Variants in MRPL35 observed in about 807,000 individuals in gnomAD.
The protein encoded by MRPL35 is large ribosomal subunit protein bL35m.
Under a neutral mutation model 21.6 loss-of-function variants are expected in MRPL35, and 18 were observed. That is an observed-to-expected ratio of 0.83 (90% CI 0.58 to 1.24). The LOEUF (loss-of-function observed/expected upper bound fraction) is 1.24, where lower values mean the gene tolerates loss of function less well. Ranked by LOEUF, MRPL35 falls within the 50% of genes most tolerant of loss-of-function variation. MRPL35 has a pLI of 0.00. For missense variants in MRPL35, 223 were observed against 223.2 expected, an observed-to-expected ratio of 1.00 and a Z score of 0.01; for synonymous variants, 87 against 86.9, an observed-to-expected ratio of 1.00 and a Z score of -0.01.
chr2:86,204,233 C>T (rs1357732567), intron 1 of MRPL35, among the ~76,000 whole-genome samples: 2 of 152,090 alleles, frequency 1.3e-5, no homozygotes. Flanking sequence ...ATCCGCCTGC[C>T]TCGGCCTCCC....
Position 86,199,545 on chromosome 2 carries a change from G to T in MRPL35, c.43+12G>T, listed in dbSNP as rs371474147. 11 of 1,613,982 alleles carry T rather than the reference G, an allele frequency of 6.8e-6. No homozygotes were observed. Among genetic ancestry groups the T allele is most frequent in the Non-Finnish European group, 9.3e-6 (11 of 1,180,026 alleles). ...GAGAGCAGCTTCAGGTCAGTGGAGAGCGACATACTCCATGCATGCCTTCAC... is the reference window on the plus strand; with the variant it reads ...GAGAGCAGCTTCAGGTCAGTGGAGATCGACATACTCCATGCATGCCTTCAC... On this transcript the variant is annotated intron_variant, in intron 1 of 3. Transcript: ENST00000337109.
intron 2 of MRPL35, 33 bp from the exon 3 acceptor site, chr2:86,207,149 AT>A: frequency 6.5e-7 from 1 of 1,543,194 alleles, no homozygotes; most frequent in Non-Finnish European, 8.7e-7. Flanking sequence ...AATCAGTCTG[AT>A]TACAAGCTAA....
At position 86,212,236 on chromosome 2, in the gene MRPL35, C is replaced by T. The variant is rs1443801269; in HGVS notation, c.*1568C>T. The T allele has an allele frequency of 9.6e-6, 13 of 1,357,240 alleles. No individual in the cohort carries two copies. Among genetic ancestry groups the T allele is most frequent in the South Asian group, 1.9e-5 (1 of 53,256 alleles). 84.1% of individuals were successfully genotyped at this position (1,357,240 alleles called of 1,614,324 possible). ...GGCCAGGATTATTAGGGAGATTCCT[C>T]GAAACTAGTGTGTGTTTATTAAAAG... is the stretch of plus-strand genomic sequence containing the variant. On this transcript the variant is annotated 3_prime_UTR_variant, in exon 4 of 4. Coordinates refer to ENST00000337109, the MANE Select transcript of MRPL35 (RefSeq NM_016622.4).
chr2:86,201,695 CTA>C (rs1194228238), intron 1 of MRPL35, among the ~76,000 whole-genome samples: 2 of 152,058 alleles, frequency 1.3e-5, no homozygotes, highest in Admixed American at 6.6e-5. Context: ...ACAATTTAAA[CTA>C]TTTGATATTT....
chr2:86,208,627 C>T (rs965187543), intron 3 of MRPL35, among the ~76,000 whole-genome samples: 5 of 152,068 alleles, frequency 3.3e-5, no homozygotes, highest in Non-Finnish European at 5.9e-5. Context: ...GTTTTTATAC[C>T]AGTTATTTCC....
chr2:86,210,889 A>T lies in MRPL35; in HGVS notation c.*221A>T, dbSNP rs1673891162. The T allele has an allele frequency of 8.2e-7, 1 of 1,224,966 alleles. No homozygotes were observed. The highest frequency in any genetic ancestry group is 3.0e-5 in the South Asian group (1 of 32,944). 75.9% of individuals were successfully genotyped at this position (1,224,966 alleles called of 1,614,324 possible). On this transcript the variant is annotated 3_prime_UTR_variant, in exon 4 of 4. Coordinates refer to ENST00000337109, the MANE Select transcript of MRPL35 (RefSeq NM_016622.4). ...TTAGAATGGTGCATTATTTTTAACA[A>T]ATGGTATTGGCTTAACTAGTTGTTT...
intron 1 of MRPL35, among the ~76,000 whole-genome samples, chr2:86,202,121 C>T (rs1455026577): frequency 6.6e-6 from 1 of 152,134 alleles, no homozygotes; most frequent in African/African-American, 2.4e-5. Context: ...GTTAGGTTTC[C>T]CTCACAGGCT....
chr2:86,212,468 C>A lies in MRPL35; in HGVS notation c.*1800C>A. ...TTAGAAGCCTTCCACATCTTTGTCA[C>A]CTGCCTGGCTCCTGCTCTCTGATGT... On this transcript the variant is annotated 3_prime_UTR_variant, in exon 4 of 4. Transcript: ENST00000337109. 6.2e-7 allele frequency: 1 copy of A among 1,613,512 alleles called. No individual in the cohort carries two copies. Among genetic ancestry groups the A allele is most frequent in the South Asian group, 1.1e-5 (1 of 90,950 alleles).
At position 86,212,611 on chromosome 2, in the gene MRPL35, G is replaced by T; in HGVS notation, c.*1943G>T. ...GATGACAAGGGTCTCTGTTACAGGGGCCTCAGAGCACCTTCGTTTCTCCTC... is the reference window on the plus strand; with the variant it reads ...GATGACAAGGGTCTCTGTTACAGGGTCCTCAGAGCACCTTCGTTTCTCCTC... On this transcript the variant is annotated 3_prime_UTR_variant, in exon 4 of 4. Coordinates refer to ENST00000337109, the MANE Select transcript of MRPL35 (RefSeq NM_016622.4). 1 of 1,400,472 alleles carries T rather than the reference G, an allele frequency of 7.1e-7. No individual in the cohort carries two copies. Among genetic ancestry groups the T allele is most frequent in the Non-Finnish European group, 9.3e-7 (1 of 1,079,048 alleles). The allele number at this position is 1,400,472 out of a possible 1,614,324, so 86.8% of individuals were successfully genotyped here.
chr2:86,212,405 T>G lies in MRPL35; in HGVS notation c.*1737T>G. 1.9e-6 allele frequency: 3 copies of G among 1,613,906 alleles called. No individual in the cohort carries two copies. Among genetic ancestry groups the G allele is most frequent in the Non-Finnish European group, 2.5e-6 (3 of 1,179,888 alleles). ...AATGGCATTCTGTTTTGATGGATTT[T>G]CATTTCTTCGCACTTCTGAGACGGC... On this transcript the variant is annotated 3_prime_UTR_variant, in exon 4 of 4. Transcript: ENST00000337109.
At chr2:86,204,525 G>T (rs184672433) in intron 1 of MRPL35, among the ~76,000 whole-genome samples, 2 of 149,548 alleles carry the variant, frequency 1.3e-5, no homozygotes, top group African/African-American at 4.9e-5. Flanking sequence ...ACAATTTTGA[G>T]TCCCAAACTG....
intron 2 of MRPL35, 34 bp downstream of exon 2, chr2:86,206,329 T>G (rs750961424): frequency 1.6e-5 from 25 of 1,548,642 alleles, no homozygotes; most frequent in Admixed American, 2.0e-5. Context: ...TTTTTTTTGT[T>G]TTTTGTTTTT....
rs1673929039 is a variant in MRPL35 at position 86,212,595 on chromosome 2, G to A, written c.*1927G>A. ...CTTTATTGCAAATATGGATGACAAG[G>A]GTCTCTGTTACAGGGGCCTCAGAGC... On this transcript the variant is annotated 3_prime_UTR_variant, in exon 4 of 4. Coordinates refer to ENST00000337109, the MANE Select transcript of MRPL35 (RefSeq NM_016622.4). 4.1e-6 allele frequency: 6 copies of A among 1,456,372 alleles called. No individual in the cohort carries two copies. The highest frequency in any genetic ancestry group is 5.4e-6 in the Non-Finnish European group (6 of 1,105,454). The allele number at this position is 1,456,372 out of a possible 1,614,324, so 90.2% of individuals were successfully genotyped here. A position where few individuals can be genotyped will look rare whatever the true frequency, so the allele number is the denominator to read the frequency against.
chr2:86,205,968 TA>T, intron 1 of MRPL35, 137 bp from the exon 2 acceptor site: 2 of 773,710 alleles, frequency 2.6e-6, no homozygotes, highest in Non-Finnish European at 4.2e-6. Flanking sequence ...AGTAAGGTGG[TA>T]AAAGCTTCAC....
intron 3 of MRPL35, among the ~76,000 whole-genome samples, chr2:86,208,833 A>C (rs1360954823): frequency 6.6e-6 from 1 of 152,064 alleles, no homozygotes; most frequent in African/African-American, 2.4e-5. Context: ...TTCAAAATCT[A>C]ATTTTCAGAG....
At chr2:86,202,285 T>A (rs566723224) in intron 1 of MRPL35, among the ~76,000 whole-genome samples, 1 of 152,338 alleles carries the variant, frequency 6.6e-6, no homozygotes, top group East Asian at 1.9e-4. Context: ...ATCTTGTTGG[T>A]TTTGATCTGT....
chr2:86,201,139 A>C (rs1485752762), intron 1 of MRPL35, among the ~76,000 whole-genome samples: 1 of 152,224 alleles, frequency 6.6e-6, no homozygotes, highest in Non-Finnish European at 1.5e-5. Flanking sequence ...TATATTCAGC[A>C]TTGCCTGATA....
chr2:86,208,790 C>T (rs866019137), intron 3 of MRPL35, among the ~76,000 whole-genome samples: 9 of 151,956 alleles, frequency 5.9e-5, no homozygotes, highest in South Asian at 2.1e-4. Context: ...TCAGGGCTCC[C>T]GAAAGTATAC....
intron 3 of MRPL35, among the ~76,000 whole-genome samples, chr2:86,208,369 C>T (rs1322283042): frequency 2.0e-5 from 3 of 151,776 alleles, no homozygotes; most frequent in African/African-American, 4.8e-5. Flanking sequence ...TGCAGTGGCA[C>T]AATCTTGGCT....
Sources: gnomAD v4.1 joint callset for allele counts (sites outside exome capture counted in the v4.1 genomes callset) on GRCh38, gnomAD v4.1.1 for gene constraint, MANE v1.5 for transcripts, NCBI Gene and HGNC (gene_info 2026-07-23, HGNC 2026-07-21) for gene names.